ORC4: variants seen among roughly 807,000 people sequenced by gnomAD.
ORC4 encodes origin recognition complex, subunit 4 homolog.
A neutral mutation model predicts 63.9 loss-of-function variants in ORC4; 55 were observed. The ratio of observed to expected loss-of-function variants is 0.86; its 90% CI spans 0.69 to 1.08. ORC4 has a LOEUF of 1.08. ORC4 is among the 50% of genes least tolerant of loss of function. ORC4 has a pLI of 0.00. For synonymous variants in ORC4, 150 were observed against 168.5 expected (o/e 0.89, Z 0.85); for missense variants, 511 against 504.4 (o/e 1.01, Z -0.13).
At chr2:148,006,889 C>T (rs1236031289) in intron 1 of ORC4, among the ~76,000 whole-genome samples, 1 of 152,180 alleles carries the variant, frequency 6.6e-6, no homozygotes, top group Non-Finnish European at 1.5e-5. Flanking sequence ...CTGTATCACC[C>T]CCCACCAACA....
chr2:147,988,792 C>CAAAA (rs5835178), intron 1 of ORC4, among the ~76,000 whole-genome samples: 1 of 143,100 alleles, frequency 7.0e-6, no homozygotes, highest in East Asian at 2.0e-4. Context: ...AAACAAAAAG[C>CAAAA]AAAAAAAAAA....
chr2:148,013,521 G>A (rs1008731706), intron 1 of ORC4, among the ~76,000 whole-genome samples: 1 of 152,124 alleles, frequency 6.6e-6, no homozygotes, highest in Non-Finnish European at 1.5e-5. Flanking sequence ...GCACAATATA[G>A]TAATTACAGC....
At chr2:147,946,757 G>GA (rs202183500) in intron 9 of ORC4, among the ~76,000 whole-genome samples, 1 of 151,824 alleles carries the variant, frequency 6.6e-6, no homozygotes, top group South Asian at 2.1e-4. Flanking sequence ...ATAACAATGG[G>GA]AAAAAAGTAA....
chr2:147,994,880 C>G (rs1691845161), intron 1 of ORC4, among the ~76,000 whole-genome samples: 1 of 152,158 alleles, frequency 6.6e-6, no homozygotes, highest in Non-Finnish European at 1.5e-5. Flanking sequence ...CAAAAATTAG[C>G]TGGGCATTGT....
intron 1 of ORC4, among the ~76,000 whole-genome samples, chr2:147,978,115 T>C (rs1690670539): frequency 6.6e-6 from 1 of 152,176 alleles, no homozygotes; most frequent in Non-Finnish European, 1.5e-5. Context: ...CCCTCCAGGA[T>C]GCTGGGTAGG....
At chr2:147,940,425 A>T (rs1688303506) in intron 10 of ORC4, among the ~76,000 whole-genome samples, 1 of 152,126 alleles carries the variant, frequency 6.6e-6, no homozygotes, top group Non-Finnish European at 1.5e-5. Flanking sequence ...CCAGAGGAAA[A>T]GAAGTTATTA....
chr2:147,935,955 A>G (rs560160168), intron 13 of ORC4, among the ~76,000 whole-genome samples: 2 of 152,310 alleles, frequency 1.3e-5, no homozygotes, highest in Admixed American at 6.5e-5. Context: ...AATTCAATAT[A>G]TACAATATGG....
chr2:147,996,119 T>C (rs1691957151), intron 1 of ORC4, among the ~76,000 whole-genome samples: 1 of 151,856 alleles, frequency 6.6e-6, no homozygotes, highest in African/African-American at 2.4e-5. Context: ...TCCTGGCCAA[T>C]GTGGTGAAAC....
chr2:147,968,487 A>T (rs1408742911), intron 4 of ORC4, among the ~76,000 whole-genome samples: 1 of 152,116 alleles, frequency 6.6e-6, no homozygotes, highest in Non-Finnish European at 1.5e-5. Context: ...TTATCTGAAC[A>T]GACATTTCTG....
intron 10 of ORC4, among the ~76,000 whole-genome samples, chr2:147,940,989 T>C (rs992371595): frequency 2.6e-5 from 4 of 151,980 alleles, no homozygotes; most frequent in Admixed American, 2.0e-4. Flanking sequence ...TACTATTAGG[T>C]TGGTGCAAAA....
intron 2 of ORC4, 21 bp from the exon 3 acceptor site, chr2:147,973,545 AAATAT>A: frequency 7.6e-7 from 1 of 1,313,218 alleles, no homozygotes; most frequent in Non-Finnish European, 1.1e-6. Context: ...TAAAGTGAAT[AAATAT>A]AAATAAAAAT....
At chr2:148,010,848 C>CTTTTTTTTT (rs201359357) in intron 1 of ORC4, among the ~76,000 whole-genome samples, 1 of 98,532 alleles carries the variant, frequency 1.0e-5, no homozygotes, top group Non-Finnish European at 2.0e-5. Flanking sequence ...CAGATTTATT[C>CTTTTTTTTT]TTTTTTTTTT....
chr2:147,961,506 A>G (rs950816307), intron 4 of ORC4, among the ~76,000 whole-genome samples: 2 of 152,172 alleles, frequency 1.3e-5, no homozygotes, highest in African/African-American at 4.8e-5. Context: ...AAAATAAATT[A>G]TATCTGACAA....
intron 6 of ORC4, 64 bp from the exon 7 acceptor site, chr2:147,955,459 TCTGA>T: frequency 3.4e-6 from 4 of 1,165,202 alleles, no homozygotes; most frequent in Non-Finnish European, 3.8e-6. Flanking sequence ...AAGATGGCTG[TCTGA>T]TTCTCAAATT....
In ORC4 at chr2:147,938,223, A is replaced by C; in HGVS notation, c.1055-10T>G. The C allele has an allele frequency of 6.2e-7, 1 of 1,610,938 alleles. No homozygotes were observed. The stretch of plus-strand genomic sequence containing the variant: ...ACAAACTTCTGAAACTCTGAGTAGA[A>C]AGCAATGACAACATTATACCTTCAA... On this transcript the variant is annotated splice_polypyrimidine_tract_variant and intron_variant, in intron 12 of 13. Transcript: ENST00000392857.
intron 8 of ORC4, chr2:147,951,342 T>G (rs1688948451): frequency 6.6e-6 from 1 of 152,266 alleles, no homozygotes; most frequent in South Asian, 2.1e-4. Flanking sequence ...ATGGTTTGGA[T>G]ATGGTTTGTC....
chr2:148,019,707 A>G (rs1693572004), intron 1 of ORC4, among the ~76,000 whole-genome samples: 1 of 152,264 alleles, frequency 6.6e-6, no homozygotes, highest in Middle Eastern at 3.2e-3. Context: ...TTCCTTCAAA[A>G]TATCTTTACA....
At chr2:147,999,222 C>T (rs1001763737) in intron 1 of ORC4, among the ~76,000 whole-genome samples, 1 of 152,118 alleles carries the variant, frequency 6.6e-6, no homozygotes, top group Non-Finnish European at 1.5e-5. Flanking sequence ...GGCCATGAGG[C>T]TTATTTTCTA....
intron 4 of ORC4, among the ~76,000 whole-genome samples, chr2:147,959,568 C>T (rs1272359645): frequency 6.6e-6 from 1 of 151,954 alleles, no homozygotes; most frequent in African/African-American, 2.4e-5. Flanking sequence ...GGCACTGGGA[C>T]AACTGGTAAA....
Sources: allele counts gnomAD v4.1 joint callset (sites outside exome capture counted in the v4.1 genomes callset), GRCh38; gene constraint gnomAD v4.1.1; transcripts MANE v1.5; gene names NCBI Gene and HGNC (gene_info 2026-07-23, HGNC 2026-07-21).